The following PAX7 variants were observed in gnomAD, a reference collection of about 807,000 sequenced individuals.
The protein encoded by PAX7 is paired box 7, also known as paired box protein Pax-7.
PAX7 carries 18 observed loss-of-function variants against 50.7 expected under a neutral mutation model. The observed-to-expected ratio is 0.36, with a 90% CI of 0.25 to 0.53. The LOEUF (loss-of-function observed/expected upper bound fraction) is 0.53. Among genes scored for constraint, PAX7 ranks in the 20% least tolerant of loss-of-function variants. The probability of loss-of-function intolerance (pLI) is 0.93; values close to 1 mark genes in which losing one functional copy is unlikely to be tolerated. For missense variants in PAX7, 644 were observed against 702.9 expected (o/e 0.92, Z 0.95); for synonymous variants, 310 against 290.4 (o/e 1.07, Z -0.69).
At chr1:18,724,078 G>C (rs1018009202) in intron 7 of PAX7, among the ~76,000 whole-genome samples, 13 of 152,216 alleles carry the variant, frequency 8.5e-5, no homozygotes, top group African/African-American at 2.4e-4. Flanking sequence ...AGGCCGCTGC[G>C]TGCTCGGTGG....
chr1:18,663,829 C>T (rs975791911), intron 4 of PAX7, among the ~76,000 whole-genome samples: 6 of 152,372 alleles, frequency 3.9e-5, no homozygotes, highest in African/African-American at 9.6e-5. Flanking sequence ...GTGGTATTGA[C>T]ATCTTCCCAC....
chr1:18,745,200 G>A lies in PAX7; in HGVS notation c.*271G>A, dbSNP rs1931380158. The A allele has an allele frequency of 2.0e-6, 1 of 492,806 alleles. No homozygotes were observed. The highest frequency in any genetic ancestry group is 3.4e-5 in the East Asian group (1 of 29,142). 30.5% of individuals were successfully genotyped at this position (492,806 alleles called of 1,614,324 possible). On this transcript the variant is annotated 3_prime_UTR_variant, in exon 9 of 9. Transcript: ENST00000420770. ...AGGTCCTCCCCTGTCAAATCCCATG[G>A]TGGCCTCTGTGCCATCTCAGGCATG...
intron 4 of PAX7, among the ~76,000 whole-genome samples, chr1:18,645,160 G>T (rs540225962): frequency 6.6e-6 from 1 of 152,312 alleles, no homozygotes; most frequent in South Asian, 2.1e-4. Flanking sequence ...GCGTGCGTGC[G>T]CACGACAGCA....
intron 4 of PAX7, among the ~76,000 whole-genome samples, chr1:18,660,610 C>A (rs2088586515): frequency 6.6e-6 from 1 of 152,186 alleles, no homozygotes; most frequent in Non-Finnish European, 1.5e-5. Context: ...GCTGTGACCC[C>A]TGACCCCTGC....
At chr1:18,648,440 C>G (rs2088380975) in intron 4 of PAX7, among the ~76,000 whole-genome samples, 1 of 150,654 alleles carries the variant, frequency 6.6e-6, no homozygotes, top group African/African-American at 2.4e-5. Flanking sequence ...CTCCCAGGCT[C>G]AAGCGATTCT....
intron 4 of PAX7, among the ~76,000 whole-genome samples, chr1:18,667,630 A>G (rs1456068716): frequency 6.6e-6 from 1 of 152,152 alleles, no homozygotes; most frequent in Non-Finnish European, 1.5e-5. Flanking sequence ...GTTAGTATCT[A>G]CAAGTCATGG....
chr1:18,708,008 C>T (rs1275814219), intron 7 of PAX7, among the ~76,000 whole-genome samples: 1 of 152,078 alleles, frequency 6.6e-6, no homozygotes, highest in African/African-American at 2.4e-5. Flanking sequence ...AGGCTTGGTT[C>T]CCTGATTGTC....
chr1:18,728,258 C>T (rs1216497630), intron 7 of PAX7, among the ~76,000 whole-genome samples: 1 of 151,906 alleles, frequency 6.6e-6, no homozygotes, highest in Non-Finnish European at 1.5e-5. Flanking sequence ...TCGGGGAGGC[C>T]GGTGGATCTG....
intron 4 of PAX7, among the ~76,000 whole-genome samples, chr1:18,642,838 T>C (rs999198857): frequency 6.6e-6 from 1 of 151,680 alleles, no homozygotes; most frequent in Admixed American, 6.6e-5. Flanking sequence ...TCTCCAAAAC[T>C]TCAAACGAAG....
At chr1:18,721,230 C>T (rs1370948094) in intron 7 of PAX7, among the ~76,000 whole-genome samples, 1 of 152,176 alleles carries the variant, frequency 6.6e-6, no homozygotes, top group Non-Finnish European at 1.5e-5. Flanking sequence ...GGTCCCAGAG[C>T]GCTCAGAGCC....
chr1:18,637,850 C>G (rs7555501), intron 4 of PAX7, among the ~76,000 whole-genome samples: 90,424 of 152,176 alleles, frequency 0.59, 28,172 homozygotes, highest in African/African-American at 0.78. Context: ...GAAAGGGAGC[C>G]AGCTGTGCCG....
At chr1:18,678,885 G>A (rs1324426865) in intron 4 of PAX7, among the ~76,000 whole-genome samples, 2 of 152,232 alleles carry the variant, frequency 1.3e-5, no homozygotes, top group Admixed American at 1.3e-4. Context: ...GGCACGCTCA[G>A]AAGTGCCCAT....
At chr1:18,744,668 G>GGAT (rs1931338598) in intron 8 of PAX7, 146 bp from the exon 9 acceptor site, 1 of 588,722 alleles carries the variant, frequency 1.7e-6, no homozygotes, top group African/African-American at 3.2e-5. Context: ...ACGGATGGAT[G>GGAT]GATGGATGGA....
rs867571977 is a variant in PAX7 at position 18,668,436 on chromosome 1, C to T, written c.587-23318C>T. On this transcript the variant is annotated intron_variant, in intron 4 of 8. Coordinates refer to ENST00000420770, the MANE Select transcript of PAX7 (RefSeq NM_001135254.2). ...ATAACAATGGCCAGGTGTGGTGGCT[C>T]ACACCTGTAATCCCAGCACTTTGGG... 4.1e-4 allele frequency among the ~76,000 whole-genome samples: 63 copies of T among 152,278 alleles called. 1 individual carries two copies. Among genetic ancestry groups the T allele is most frequent in the African/African-American group, 1.5e-3 (61 of 41,536 alleles).
intron 5 of PAX7, among the ~76,000 whole-genome samples, chr1:18,699,980 G>A (rs1437300704): frequency 1.3e-5 from 2 of 152,070 alleles, no homozygotes; most frequent in East Asian, 1.9e-4. Context: ...AGGAGAATAC[G>A]TCTCATGGGT....
intron 4 of PAX7, among the ~76,000 whole-genome samples, chr1:18,645,623 AC>A (rs2088326877): frequency 6.6e-6 from 1 of 152,178 alleles, no homozygotes; most frequent in African/African-American, 2.4e-5. Context: ...GAAGGTGGAG[AC>A]AGAGCAACAT....
intron 7 of PAX7, among the ~76,000 whole-genome samples, chr1:18,722,562 G>A (rs1300042833): frequency 6.6e-6 from 1 of 152,296 alleles, no homozygotes; most frequent in Non-Finnish European, 1.5e-5. Context: ...GGACGCGGGG[G>A]GCTGCTCCGG....
intron 4 of PAX7, among the ~76,000 whole-genome samples, chr1:18,651,093 C>T (rs1377366601): frequency 2.0e-5 from 3 of 152,186 alleles, no homozygotes; most frequent in Non-Finnish European, 4.4e-5. Flanking sequence ...TTGCTGCCCC[C>T]ACCATGTCCC....
intron 7 of PAX7, among the ~76,000 whole-genome samples, chr1:18,709,552 A>T (rs911639893): frequency 4.6e-5 from 7 of 152,136 alleles, no homozygotes; most frequent in Non-Finnish European, 8.8e-5. Flanking sequence ...AATGGCAGAG[A>T]TCATGCTTAC....
Sources: allele counts gnomAD v4.1 joint callset (sites outside exome capture counted in the v4.1 genomes callset), GRCh38; gene constraint gnomAD v4.1.1; transcripts MANE v1.5; gene names NCBI Gene and HGNC (gene_info 2026-07-23, HGNC 2026-07-21).